The following SAA4 variants were observed in gnomAD, a reference collection of about 807,000 sequenced individuals.
SAA4 encodes serum amyloid A-4 protein.
Under a neutral mutation model 11.2 loss-of-function variants are expected in SAA4, and 8 were observed. The ratio of observed to expected loss-of-function variants is 0.71; its 90% CI spans 0.42 to 1.29. The LOEUF (loss-of-function observed/expected upper bound fraction) is 1.29. Ranked by LOEUF, SAA4 falls within the 50% of genes most tolerant of loss-of-function variation. The probability of loss-of-function intolerance (pLI) is 0.01; values close to 1 mark genes in which losing one functional copy is unlikely to be tolerated. For missense variants in SAA4, 171 were observed against 164.2 expected (o/e 1.04, Z -0.23); for synonymous variants, 60 against 56.2 (o/e 1.07, Z -0.30).
chr11:18,231,517 C>T lies in SAA4; in HGVS notation c.378G>A (p.Leu126=), dbSNP rs745381856. ...KDPDRFRPDG[L]PKKY ...AGCAGGAAGCTCAGTATTTCTTAGG[C>T]AGGCCGTCAGGTCTGAAGCGGTCGG... The change falls in exon 4 of 4, where the codon CTG becomes CTA. Residue 126 remains leucine (L), a synonymous_variant. Transcript: ENST00000278222. 7 of 1,612,540 alleles carry T rather than the reference C, an allele frequency of 4.3e-6. No homozygotes were observed. Among genetic ancestry groups the T allele is most frequent in the Non-Finnish European group, 5.9e-6 (7 of 1,179,738 alleles).
At chr11:18,236,607 G>T (rs929226947) in intron 1 of SAA4, 110 bp downstream of exon 1, 1 of 152,094 alleles carries the variant, frequency 6.6e-6, no homozygotes, top group African/African-American at 2.4e-5. Flanking sequence ...CACTGACCCC[G>T]TAATGAGGTA....
Position 18,232,450 on chromosome 11 carries a change from T to C in SAA4, c.175A>G (p.Asn59Asp). 6.2e-7 allele frequency: 1 copy of C among 1,614,180 alleles called. No individual in the cohort carries two copies. The highest frequency in any genetic ancestry group is 8.5e-7 in the Non-Finnish European group (1 of 1,180,024). Residue 59 changes from asparagine (N) to aspartate (D), a missense_variant, in exon 3 of 4, where the codon AAC becomes GAC. Asn to Asp is a conservative substitution (Grantham distance 23). Coordinates refer to ENST00000278222, the MANE Select transcript of SAA4 (RefSeq NM_006512.4). ...GGTCCTCTTTGGGCAGCATCATAGT[T>C]TCCCCGAGCATAGAGATATCTGTTT... ...NSNRYLYARG[N>D]YDAAQRGPGG...
chr11:18,234,147 A>G (rs1857177049), intron 2 of SAA4, among the ~76,000 whole-genome samples: 1 of 152,242 alleles, frequency 6.6e-6, no homozygotes, highest in Non-Finnish European at 1.5e-5. Context: ...GTATATTAGT[A>G]TGTCGTAATG....
At chr11:18,232,657 G>A (rs1429886358) in intron 2 of SAA4, 124 bp from the exon 3 acceptor site, 2 of 1,393,236 alleles carry the variant, frequency 1.4e-6, no homozygotes, top group East Asian at 2.3e-5. Flanking sequence ...ATCATACGTG[G>A]AGATAAACAT....
intron 2 of SAA4, among the ~76,000 whole-genome samples, chr11:18,234,078 G>T (rs1218201914): frequency 1.3e-5 from 2 of 152,082 alleles, no homozygotes; most frequent in Non-Finnish European, 2.9e-5. Context: ...GTATACAATG[G>T]AATACTATGT....
chr11:18,234,561 TTAC>T (rs1221896984), intron 2 of SAA4, among the ~76,000 whole-genome samples: 2 of 152,242 alleles, frequency 1.3e-5, no homozygotes, highest in Non-Finnish European at 2.9e-5. Flanking sequence ...GGTTTACGTG[TTAC>T]CAAGTTCTTT....
At chr11:18,233,895 G>T (rs563292717) in intron 2 of SAA4, among the ~76,000 whole-genome samples, 15 of 152,124 alleles carry the variant, frequency 9.9e-5, no homozygotes, top group South Asian at 2.1e-4. Flanking sequence ...AAATTGACAT[G>T]ACTATACCTT....
chr11:18,234,119 C>A (rs547682845), intron 2 of SAA4, among the ~76,000 whole-genome samples: 1 of 152,264 alleles, frequency 6.6e-6, no homozygotes, highest in East Asian at 1.9e-4. Flanking sequence ...TATTAATACA[C>A]ATGACAAATG....
chr11:18,232,361 G>C (rs571089175), intron 3 of SAA4, 34 bp downstream of exon 3: 1 of 1,609,756 alleles, frequency 6.2e-7, no homozygotes, highest in East Asian at 2.2e-5. Context: ...GGCACTGCTG[G>C]CCTCTCACTG....
At chr11:18,232,265 G>T in intron 3 of SAA4, 130 bp downstream of exon 3, 4 of 1,373,372 alleles carry the variant, frequency 2.9e-6, no homozygotes, top group Non-Finnish European at 3.9e-6. Flanking sequence ...CACCAGCCTT[G>T]CTCTGGCTCT....
At chr11:18,235,978 G>A (rs959011323) in intron 1 of SAA4, 48 bp from the exon 2 acceptor site, 2 of 1,515,958 alleles carry the variant, frequency 1.3e-6, no homozygotes, top group Non-Finnish European at 1.8e-6. Context: ...AAAAAACACA[G>A]ATCTATGTTT....
At chr11:18,235,986 T>C in intron 1 of SAA4, 56 bp from the exon 2 acceptor site, 2 of 1,464,672 alleles carry the variant, frequency 1.4e-6, no homozygotes, top group Non-Finnish European at 1.8e-6. Flanking sequence ...CAGATCTATG[T>C]TTTGAGGACT....
chr11:18,232,901 G>C (rs1404105975), intron 2 of SAA4, among the ~76,000 whole-genome samples: 1 of 152,212 alleles, frequency 6.6e-6, no homozygotes, highest in African/African-American at 2.4e-5. Context: ...GGGTCTGTGT[G>C]TACTGTGTAC....
Position 18,231,475 on chromosome 11 carries a change from T to G in SAA4, c.*27A>C, listed in dbSNP as rs369448258. On this transcript the variant is annotated 3_prime_UTR_variant, in exon 4 of 4. Coordinates refer to ENST00000278222, the MANE Select transcript of SAA4 (RefSeq NM_006512.4). ...AGAAGTGTGTGGCTCACAGCCCAGT[T>G]TCCCTGAGAGCAGAGGAGCAGGAAG... is the stretch of plus-strand genomic sequence containing the variant. 7.3e-5 allele frequency: 117 copies of G among 1,603,416 alleles called. No individual in the cohort carries two copies. In the African/African-American group the frequency reaches 1.5e-3, roughly 21 times the overall value.
At chr11:18,232,290 C>G (rs1857145871) in intron 3 of SAA4, 105 bp downstream of exon 3, 1 of 1,518,194 alleles carries the variant, frequency 6.6e-7, no homozygotes, top group Non-Finnish European at 8.9e-7. Flanking sequence ...GCCACCCAGA[C>G]CCCAGGAGTA....
intron 2 of SAA4, 81 bp downstream of exon 2, chr11:18,235,755 G>C (rs1420242163): frequency 7.3e-7 from 1 of 1,374,486 alleles, no homozygotes; most frequent in African/African-American, 1.5e-5. Context: ...CTTCTCTAAG[G>C]AGCACTCACA....
rs368892964 is a variant in SAA4 at position 18,231,622 on chromosome 11, T to A, written c.273A>T (p.Leu91Phe). The A allele has an allele frequency of 1.2e-6, 2 of 1,613,952 alleles. No individual in the cohort carries two copies. The highest frequency in any genetic ancestry group is 1.7e-6 in the Non-Finnish European group (2 of 1,180,008). ...CCAATACAGTGCTGCTGTTTCCAAATAAATAGCAGTCTATTAATCCCTGAA... is the reference window on the plus strand; with the variant it reads ...CCAATACAGTGCTGCTGTTTCCAAAAAAATAGCAGTCTATTAATCCCTGAA... ...VYLQGLIDCY[L>F]FGNSSTVLED... The change falls in exon 4 of 4, where the codon TTA becomes TTT. Residue 91 changes from leucine to phenylalanine, a missense_variant. Physicochemically the swap from Leu to Phe is conservative, Grantham distance 22. Coordinates refer to ENST00000278222, the MANE Select transcript of SAA4 (RefSeq NM_006512.4).
chr11:18,236,222 A>ATTTT (rs36090595), intron 1 of SAA4, among the ~76,000 whole-genome samples: 11 of 129,546 alleles, frequency 8.5e-5, no homozygotes, highest in African/African-American at 2.9e-4. Context: ...CACTCAGCTA[A>ATTTT]TTTTTTTTTT....
intron 3 of SAA4, 105 bp from the exon 4 acceptor site, chr11:18,231,769 ACTGAGAGGAGG>A: frequency 7.1e-7 from 1 of 1,405,284 alleles, no homozygotes; most frequent in Middle Eastern, 1.9e-4. Flanking sequence ...CCAAGTAATG[ACTGAGAGGAGG>A]CTGGAAAACT....
Sources: allele counts gnomAD v4.1 joint callset (sites outside exome capture counted in the v4.1 genomes callset), GRCh38; gene constraint gnomAD v4.1.1; transcripts MANE v1.5; gene names NCBI Gene and HGNC (gene_info 2026-07-23, HGNC 2026-07-21).